RAB27B: variants seen among roughly 807,000 people sequenced by gnomAD.
RAB27B encodes ras-related protein Rab-27B.
In RAB27B, 15 loss-of-function variants were observed where a neutral mutation model predicts 24.6. The ratio of observed to expected loss-of-function variants is 0.61; its 90% confidence interval spans 0.41 to 0.94. The LOEUF (loss-of-function observed/expected upper bound fraction) is 0.94. RAB27B is among the 40% of genes least tolerant of loss of function. RAB27B has a pLI of 0.00. For synonymous variants in RAB27B, 105 were observed against 92.5 expected, an observed-to-expected ratio of 1.14 and a Z score of -0.78; for missense variants, 261 against 266.8, an observed-to-expected ratio of 0.98 and a Z score of 0.15.
chr18:54,789,103 A>AT (rs1598905460), intron 2 of RAB27B, among the ~76,000 whole-genome samples: 1 of 152,194 alleles, frequency 6.6e-6, no homozygotes, highest in Non-Finnish European at 1.5e-5. Context: ...GAGTAATTTA[A>AT]TTTTTGTTGC....
intron 3 of RAB27B, among the ~76,000 whole-genome samples, chr18:54,881,645 G>A (rs1254728705): frequency 6.6e-6 from 1 of 152,028 alleles, no homozygotes. Context: ...GGTTTCACTG[G>A]TTCCTCCACC....
chr18:54,780,084 G>A (rs1351651445), intron 2 of RAB27B, among the ~76,000 whole-genome samples: 1 of 81,858 alleles, frequency 1.2e-5, no homozygotes, highest in Non-Finnish European at 2.4e-5. Flanking sequence ...CCGCGTCTCC[G>A]CCCGTCCTGA....
Position 54,879,467 on chromosome 18 carries a change from T to C in RAB27B, c.239+13T>C. On this transcript the variant is annotated intron_variant, in intron 3 of 5. Coordinates refer to ENST00000262094, the MANE Select transcript of RAB27B (RefSeq NM_004163.4). Reference sequence around the variant, plus strand: ...CGGGACAAGAGCGGTAATAGTAAATTGCTTTATTTGTGGCTACACATAGCT... The same window carrying C: ...CGGGACAAGAGCGGTAATAGTAAATCGCTTTATTTGTGGCTACACATAGCT... The C allele has an allele frequency of 6.3e-7, 1 of 1,598,450 alleles. No individual in the cohort carries two copies. The highest frequency in any genetic ancestry group is 8.6e-7 in the Non-Finnish European group (1 of 1,165,826).
At chr18:54,765,659 T>C (rs949668897) in intron 2 of RAB27B, among the ~76,000 whole-genome samples, 3 of 152,232 alleles carry the variant, frequency 2.0e-5, no homozygotes, top group Non-Finnish European at 4.4e-5. Context: ...TTATACCTAA[T>C]ACAATTATAA....
intron 2 of RAB27B, among the ~76,000 whole-genome samples, chr18:54,729,312 A>T (rs373538026): frequency 3.9e-5 from 6 of 152,282 alleles, no homozygotes; most frequent in African/African-American, 1.2e-4. Context: ...GAGACTAGGG[A>T]GAAAAGGAGA....
At chr18:54,889,143 A>G (rs1913261923) in intron 5 of RAB27B, 81 bp from the exon 6 acceptor site, 1 of 1,309,168 alleles carries the variant, frequency 7.6e-7, no homozygotes, top group Non-Finnish European at 1.0e-6. Context: ...CCGTTTTTGC[A>G]TGTGTGATTC....
chr18:54,735,863 T>C (rs2145000430), intron 2 of RAB27B, among the ~76,000 whole-genome samples: 1 of 152,220 alleles, frequency 6.6e-6, no homozygotes, highest in South Asian at 2.1e-4. Context: ...AAAAGTAAAA[T>C]TAGGTAGTAA....
At chr18:54,801,579 G>T (rs1223520505) in intron 2 of RAB27B, among the ~76,000 whole-genome samples, 4 of 152,086 alleles carry the variant, frequency 2.6e-5, no homozygotes, top group Non-Finnish European at 4.4e-5. Context: ...ATCAGGTTCA[G>T]GCATGTTGAC....
At chr18:54,865,428 T>C (rs1912178270) in intron 1 of RAB27B, among the ~76,000 whole-genome samples, 1 of 152,328 alleles carries the variant, frequency 6.6e-6, no homozygotes, top group South Asian at 2.1e-4. Context: ...TAAAGAACTA[T>C]CTATGAAGTT....
At chr18:54,827,182 T>G (rs2145176654), upstream of RAB27B, among the ~76,000 whole-genome samples, 1 of 152,336 alleles carries the variant, frequency 6.6e-6, no homozygotes, top group East Asian at 1.9e-4. Flanking sequence ...CCTCAAAGAC[T>G]TTTATGCAGT....
At chr18:54,834,748 T>C (rs1028448096) in intron 1 of RAB27B, among the ~76,000 whole-genome samples, 1 of 149,940 alleles carries the variant, frequency 6.7e-6, no homozygotes, top group African/African-American at 2.5e-5. Context: ...AACTCTATAA[T>C]AGAGGGAAAA....
At chr18:54,844,051 G>A (rs945656713) in intron 1 of RAB27B, among the ~76,000 whole-genome samples, 2 of 152,258 alleles carry the variant, frequency 1.3e-5, no homozygotes, top group African/African-American at 4.8e-5. Flanking sequence ...AATCAGGGTG[G>A]GGTCTGAGAT....
chr18:54,795,591 T>C (rs1909390922), intron 2 of RAB27B, among the ~76,000 whole-genome samples: 1 of 152,150 alleles, frequency 6.6e-6, no homozygotes, highest in South Asian at 2.1e-4. Flanking sequence ...GGAACCTCAT[T>C]TGGCTGGAAG....
intron 3 of RAB27B, among the ~76,000 whole-genome samples, chr18:54,881,473 C>T (rs2145280100): frequency 6.6e-6 from 1 of 152,212 alleles, no homozygotes; most frequent in South Asian, 2.1e-4. Flanking sequence ...TCATTCTGTA[C>T]AGATTCCAGT....
intron 1 of RAB27B, among the ~76,000 whole-genome samples, chr18:54,846,333 C>T (rs1243110202): frequency 6.6e-6 from 1 of 152,222 alleles, no homozygotes; most frequent in Admixed American, 6.5e-5. Flanking sequence ...TGGCTAGAGG[C>T]TCGCAGGAGC....
rs530986062 is a variant in RAB27B, at chr18:54,870,561, C to T, written c.-19-7006C>T. 2.0e-5 allele frequency among the ~76,000 whole-genome samples: 3 copies of T among 152,114 alleles called. No homozygotes were observed. In the South Asian group the frequency reaches 6.2e-4, roughly 32 times the overall value. On this transcript the variant is annotated intron_variant, in intron 1 of 5. Coordinates refer to ENST00000262094, the MANE Select transcript of RAB27B (RefSeq NM_004163.4). ...GAAGCATAAGAATTTGAGAGGAAGA[C>T]CTAAAGCTCTATTAAGGAAGGATAT...
Position 54,893,519 on chromosome 18 carries a change from A to G in RAB27B, c.*4106A>G, listed in dbSNP as rs141805204. On this transcript the variant is annotated 3_prime_UTR_variant, in exon 6 of 6. Coordinates refer to ENST00000262094, the MANE Select transcript of RAB27B (RefSeq NM_004163.4). ...TGCAAAAGTTGTCTAAGAATTCACC[A>G]TGAGCTATATTTTCTTCTGGATCTT... The G allele has an allele frequency of 6.6e-6, 1 of 152,110 alleles. No individual in the cohort carries two copies. Among genetic ancestry groups the G allele is most frequent in the African/African-American group, 2.4e-5 (1 of 41,564 alleles). 9.4% of individuals were successfully genotyped at this position (152,110 alleles called of 1,614,324 possible). A position where few individuals can be genotyped will look rare whatever the true frequency, so the allele number is the denominator to read the frequency against.
At chr18:54,843,628 T>G (rs986638837) in intron 1 of RAB27B, among the ~76,000 whole-genome samples, 7 of 152,190 alleles carry the variant, frequency 4.6e-5, no homozygotes, top group Non-Finnish European at 8.8e-5. Flanking sequence ...AAGGGTCTGA[T>G]GTCAACCTAT....
At position 54,774,544 on chromosome 18, in the gene RAB27B, A is replaced by C. The variant is rs578055453; in HGVS notation, c.-20+56403A>C. ...ACTGTTAAGAGAGCTTAACCTCTAG[A>C]ATATCCTCATCCTCATTAAAAACTG... On this transcript the variant is annotated intron_variant, in intron 2 of 4. Coordinates refer to the RAB27B transcript ENST00000586570. 1.3e-4 allele frequency among the ~76,000 whole-genome samples: 20 copies of C among 152,332 alleles called. 1 individual carries two copies. Among genetic ancestry groups the C allele is most frequent in the Middle Eastern group, 3.4e-3 (1 of 294 alleles).
Sources: allele counts gnomAD v4.1 joint callset (sites outside exome capture counted in the v4.1 genomes callset), GRCh38; gene constraint gnomAD v4.1.1; transcripts MANE v1.5; gene names NCBI Gene and HGNC (gene_info 2026-07-23, HGNC 2026-07-21).